GALNT1: variants seen among roughly 807,000 people sequenced by gnomAD.
GALNT1 encodes GalNAc transferase 1.
GALNT1 carries 17 observed loss-of-function variants against 65.7 expected under a neutral mutation model. That is an observed-to-expected ratio of 0.26 (90% CI 0.18 to 0.39). The LOEUF is 0.39. Among genes scored for constraint, GALNT1 ranks in the 10% least tolerant of loss-of-function variants. The pLI, the probability that GALNT1 is intolerant of heterozygous loss-of-function variation, is 1.00. For synonymous variants in GALNT1, 210 were observed against 219.7 expected (o/e 0.96, Z 0.39); for missense variants, 460 against 672.8 (o/e 0.68, Z 3.50).
At chr18:35,691,257 A>G (rs1202365872) in intron 8 of GALNT1, 65 bp downstream of exon 8, 1 of 1,419,132 alleles carries the variant, frequency 7.0e-7, no homozygotes, top group African/African-American at 1.4e-5. Context: ...CTGGAGGAGA[A>G]GTAAGAAGGT....
chr18:35,601,150 A>G (rs1013739574), intron 1 of GALNT1, among the ~76,000 whole-genome samples: 9 of 151,772 alleles, frequency 5.9e-5, no homozygotes, highest in South Asian at 2.1e-4. Flanking sequence ...CAGGTTTTCT[A>G]TTTCTTTATG....
At chr18:35,662,755 G>A (rs1356677766) in intron 2 of GALNT1, among the ~76,000 whole-genome samples, 1 of 152,148 alleles carries the variant, frequency 6.6e-6, no homozygotes, top group Non-Finnish European at 1.5e-5. Context: ...TTATAGATGA[G>A]AAGTTTAACA....
In GALNT1 at chr18:35,605,597, C is replaced by CT. The variant is rs201950843; in HGVS notation, c.-104+23742dup. 6.2e-3 allele frequency among the ~76,000 whole-genome samples: 934 copies of CT among 151,522 alleles called. 11 individuals are homozygous for CT. The highest frequency in any genetic ancestry group is 0.019 in the African/African-American group (779 of 41,320). On this transcript the variant is annotated intron_variant, in intron 1 of 11. Transcript: ENST00000269195. ...GATCTCCCTCCCTCCCTTTTTCTTC[C>CT]TTTTTTTAACACTCTCAGATCTTCC...
intron 4 of GALNT1, among the ~76,000 whole-genome samples, chr18:35,679,487 C>A (rs2047757683): frequency 6.6e-6 from 1 of 152,180 alleles, no homozygotes; most frequent in South Asian, 2.1e-4. Context: ...TCCTTTCCCT[C>A]ATGCAGCCCT....
intron 3 of GALNT1, among the ~76,000 whole-genome samples, chr18:35,668,506 C>T (rs1463340677): frequency 1.3e-5 from 2 of 152,038 alleles, no homozygotes; most frequent in Admixed American, 6.6e-5. Context: ...AGACAGCATC[C>T]CTACACATCT....
At chr18:35,685,582 C>G (rs570233793) in intron 5 of GALNT1, among the ~76,000 whole-genome samples, 5 of 151,700 alleles carry the variant, frequency 3.3e-5, no homozygotes, top group Non-Finnish European at 5.9e-5. Flanking sequence ...TTAATGCCCT[C>G]AATCACCAGT....
intron 1 of GALNT1, among the ~76,000 whole-genome samples, chr18:35,603,336 TCTTA>T (rs2046605203): frequency 6.6e-6 from 1 of 152,156 alleles, no homozygotes; most frequent in African/African-American, 2.4e-5. Context: ...AGTCTGTTTC[TCTTA>T]CTGTCTGCTT....
chr18:35,615,074 G>T (rs1206188167), intron 1 of GALNT1, among the ~76,000 whole-genome samples: 1 of 151,936 alleles, frequency 6.6e-6, no homozygotes, highest in East Asian at 1.9e-4. Context: ...ACCCAGCAGG[G>T]TATGGTTTTG....
intron 1 of GALNT1, among the ~76,000 whole-genome samples, chr18:35,632,813 CT>C (rs2047032849): frequency 6.6e-6 from 1 of 152,118 alleles, no homozygotes; most frequent in Non-Finnish European, 1.5e-5. Flanking sequence ...TGACAAAGGG[CT>C]AATATCCAGA....
At chr18:35,584,261 A>G (rs561180547) in intron 1 of GALNT1, among the ~76,000 whole-genome samples, 4 of 152,322 alleles carry the variant, frequency 2.6e-5, no homozygotes, top group Non-Finnish European at 4.4e-5. Flanking sequence ...TATGTAATAC[A>G]TCTGTCATGC....
chr18:35,631,303 C>T (rs2047005120), intron 1 of GALNT1, among the ~76,000 whole-genome samples: 1 of 151,948 alleles, frequency 6.6e-6, no homozygotes, highest in South Asian at 2.1e-4. Flanking sequence ...TGCAAAAATC[C>T]TCAATAAAAT....
At chr18:35,705,456 C>T (rs1431386830) in intron 11 of GALNT1, among the ~76,000 whole-genome samples, 1 of 152,136 alleles carries the variant, frequency 6.6e-6, no homozygotes, top group Non-Finnish European at 1.5e-5. Context: ...CAATGTCAGG[C>T]TATAGAAAAA....
intron 4 of GALNT1, among the ~76,000 whole-genome samples, chr18:35,682,908 TA>T (rs34199709): frequency 0.11 from 13,491 of 118,346 alleles, 754 homozygotes; most frequent in Admixed American, 0.19. Context: ...GCCCCCTGAT[TA>T]AAAAAAAAAA....
chr18:35,680,487 T>C (rs2144592854), intron 4 of GALNT1, among the ~76,000 whole-genome samples: 1 of 152,312 alleles, frequency 6.6e-6, no homozygotes, highest in Admixed American at 6.5e-5. Flanking sequence ...ATCTCTTCAG[T>C]TCCCACAGTG....
At chr18:35,696,192 G>C (rs532096497) in intron 9 of GALNT1, among the ~76,000 whole-genome samples, 1 of 152,274 alleles carries the variant, frequency 6.6e-6, no homozygotes, top group Admixed American at 6.5e-5. Flanking sequence ...TTCTAGATTG[G>C]AGGTCATTCT....
At position 35,633,340 on chromosome 18, in the gene GALNT1, TA is replaced by T. The variant is rs541594729; in HGVS notation, c.-103-21219del. Among the ~76,000 whole-genome samples, 423 of 152,240 alleles carry T rather than the reference TA, an allele frequency of 2.8e-3. 2 individuals carry two copies. The highest frequency in any genetic ancestry group is 1.0e-2 in the African/African-American group (414 of 41,538). ...CTGGATTAAGAAAATGTGGCACATA[TA>T]CACCATGGAATACTGTGCAACCATA... On this transcript the variant is annotated intron_variant, in intron 1 of 11. Transcript: ENST00000269195.
At position 35,692,224 on chromosome 18, in the gene GALNT1, T is replaced by A; in HGVS notation, c.1203T>A (p.Gly401=). 1 of 1,611,022 alleles carries A rather than the reference T, an allele frequency of 6.2e-7. No individual in the cohort carries two copies. ...VDYGDISSRV[G]LRHKLQCKPF... is the part of the protein sequence containing the mutation. ...ATGGAGATATATCGTCAAGAGTTGG[T>A]CTAAGACACAAACTACAATGCAAAC... The change falls in exon 9 of 12, where the codon GGT becomes GGA. Residue 401 remains glycine (G), a synonymous_variant. Coordinates refer to ENST00000269195, the MANE Select transcript of GALNT1 (RefSeq NM_020474.4).
At chr18:35,589,117 A>G (rs2046413443) in intron 1 of GALNT1, among the ~76,000 whole-genome samples, 1 of 152,178 alleles carries the variant, frequency 6.6e-6, no homozygotes, top group Admixed American at 6.5e-5. Context: ...TCACTAGAGG[A>G]AATTAGAAGT....
At chr18:35,628,085 T>A (rs2144165188) in intron 1 of GALNT1, among the ~76,000 whole-genome samples, 1 of 152,230 alleles carries the variant, frequency 6.6e-6, no homozygotes, top group Non-Finnish European at 1.5e-5. Context: ...TCGAACTGGG[T>A]GGAACCCACC....
Sources: allele counts gnomAD v4.1 joint callset (sites outside exome capture counted in the v4.1 genomes callset), GRCh38; gene constraint gnomAD v4.1.1; transcripts MANE v1.5; gene names NCBI Gene and HGNC (gene_info 2026-07-23, HGNC 2026-07-21).